Variants in LRP1B observed in about 807,000 individuals in gnomAD.
LRP1B encodes the protein low-density lipoprotein receptor-related protein 1B.
In LRP1B, 217 loss-of-function variants were observed where a neutral mutation model predicts 556.6. The ratio of observed to expected loss-of-function variants is 0.39; its 90% CI spans 0.35 to 0.44. LRP1B has a LOEUF of 0.44. Ranked by LOEUF, LRP1B falls within the 20% of genes least tolerant of loss-of-function variation. The pLI is 1.00. For missense variants in LRP1B, 5,053 were observed against 5,620.8 expected (o/e 0.90, Z 3.23); for synonymous variants, 2,047 against 1,865.8 (o/e 1.10, Z -2.50).
At position 141,149,774 on chromosome 2, in the gene LRP1B, C is replaced by G. The variant is rs1358970838; in HGVS notation, c.1013+38647G>C. ...AACAGGTTCGCAGCAGGCCTGCAACCTCCAGGAAAGAACAAAGGAAAGTGA... is the reference window on the plus strand; with the variant it reads ...AACAGGTTCGCAGCAGGCCTGCAACGTCCAGGAAAGAACAAAGGAAAGTGA... On this transcript the variant is annotated intron_variant, in intron 7 of 90. Transcript: ENST00000389484. 4.6e-5 allele frequency among the ~76,000 whole-genome samples: 7 copies of G among 152,110 alleles called. No individual in the cohort carries two copies. In the East Asian group the frequency reaches 1.3e-3, roughly 29 times the overall value.
chr2:140,702,831 T>G (rs555408171), intron 37 of LRP1B, among the ~76,000 whole-genome samples: 21 of 152,238 alleles, frequency 1.4e-4, no homozygotes, highest in Non-Finnish European at 2.4e-4. Flanking sequence ...TTCTCCAATC[T>G]GTTTGCCTAA....
At chr2:140,268,001 G>C (rs970977110) in intron 86 of LRP1B, among the ~76,000 whole-genome samples, 1 of 151,822 alleles carries the variant, frequency 6.6e-6, no homozygotes, top group African/African-American at 2.4e-5. Context: ...TGGTAATACA[G>C]GTACATTCTC....
At chr2:141,690,438 T>TATAA (rs1691482479) in intron 2 of LRP1B, among the ~76,000 whole-genome samples, 1 of 130,586 alleles carries the variant, frequency 7.7e-6, no homozygotes, top group Non-Finnish European at 1.7e-5. Context: ...TATATATATA[T>TATAA]ATAATTACAA....
At chr2:141,573,931 T>A (rs932572190) in intron 2 of LRP1B, among the ~76,000 whole-genome samples, 1 of 151,912 alleles carries the variant, frequency 6.6e-6, no homozygotes, top group Non-Finnish European at 1.5e-5. Flanking sequence ...CAAAAACAAG[T>A]TCTGAAATTG....
chr2:141,755,284 C>G (rs1694275149), intron 2 of LRP1B, among the ~76,000 whole-genome samples: 1 of 151,962 alleles, frequency 6.6e-6, no homozygotes, highest in Non-Finnish European at 1.5e-5. Flanking sequence ...AAGTTAGAAT[C>G]CCTAATGTAC....
intron 73 of LRP1B, 46 bp downstream of exon 73, chr2:140,358,775 G>A (rs1429361853): frequency 1.3e-6 from 2 of 1,591,582 alleles, no homozygotes; most frequent in East Asian, 2.3e-5. Flanking sequence ...AGTCATCAGA[G>A]AACCTCATAG....
chr2:140,786,109 G>C (rs1407829718), intron 32 of LRP1B, among the ~76,000 whole-genome samples: 1 of 152,064 alleles, frequency 6.6e-6, no homozygotes, highest in Non-Finnish European at 1.5e-5. Context: ...CTCTCCAATG[G>C]CTTCCCCCTG....
rs187146930 is a variant in LRP1B at position 140,879,263 on chromosome 2, G to A, written c.4169+4554C>T. On this transcript the variant is annotated intron_variant, in intron 25 of 90. Coordinates refer to ENST00000389484, the MANE Select transcript of LRP1B (RefSeq NM_018557.3). ...AGTCCAACTATCCATCAGTGACACT[G>A]TAATTCTGTATTCTCTATATTTATA... Among the ~76,000 whole-genome samples the A allele has an allele frequency of 2.6e-5, 4 of 152,264 alleles. No homozygotes were observed. The East Asian group carries it at 7.7e-4, about 29-fold the overall frequency.
intron 32 of LRP1B, among the ~76,000 whole-genome samples, chr2:140,812,468 T>G (rs1225357896): frequency 1.3e-5 from 2 of 152,202 alleles, no homozygotes; most frequent in East Asian, 1.9e-4. Flanking sequence ...TATTTTTAAT[T>G]TAATTGAAAA....
intron 7 of LRP1B, among the ~76,000 whole-genome samples, chr2:141,107,339 TA>T (rs1002399395): frequency 2.0e-5 from 3 of 151,898 alleles, no homozygotes; most frequent in East Asian, 3.9e-4. Flanking sequence ...AAAGATAAAT[TA>T]AAAAAAACTT....
At chr2:141,679,645 C>T (rs1226696538) in intron 2 of LRP1B, among the ~76,000 whole-genome samples, 1 of 152,006 alleles carries the variant, frequency 6.6e-6, no homozygotes, top group African/African-American at 2.4e-5. Flanking sequence ...TAAGCATGCA[C>T]ATTGAGGGTT....
chr2:141,980,550 T>G (rs1413136706), intron 1 of LRP1B, among the ~76,000 whole-genome samples: 1 of 152,120 alleles, frequency 6.6e-6, no homozygotes, highest in African/African-American at 2.4e-5. Flanking sequence ...GTGGAGAAAC[T>G]GGAAAGATGG....
chr2:140,678,463 T>G (rs1478681087), intron 41 of LRP1B, among the ~76,000 whole-genome samples: 1 of 152,224 alleles, frequency 6.6e-6, no homozygotes, highest in Non-Finnish European at 1.5e-5. Context: ...GTATAGATTT[T>G]AATGCTTTTA....
chr2:140,362,582 A>G (rs976662305), intron 72 of LRP1B, among the ~76,000 whole-genome samples: 2 of 151,678 alleles, frequency 1.3e-5, no homozygotes, highest in Non-Finnish European at 3.0e-5. Context: ...CTCTGGGAAC[A>G]TGGATCCTTC....
At chr2:140,862,857 T>C (rs1357737154) in intron 27 of LRP1B, among the ~76,000 whole-genome samples, 1 of 152,100 alleles carries the variant, frequency 6.6e-6, no homozygotes, top group Non-Finnish European at 1.5e-5. Context: ...AAGGCCGAAA[T>C]AGAATAAAAA....
intron 29 of LRP1B, among the ~76,000 whole-genome samples, chr2:140,849,750 G>C (rs1692399389): frequency 6.6e-6 from 1 of 151,944 alleles, no homozygotes; most frequent in African/African-American, 2.4e-5. Context: ...TGTTGGTTCA[G>C]GCTGGTCTCG....
intron 29 of LRP1B, among the ~76,000 whole-genome samples, chr2:140,846,245 A>T (rs980484444): frequency 6.6e-6 from 1 of 152,214 alleles, no homozygotes; most frequent in African/African-American, 2.4e-5. Context: ...ATTATTTTGA[A>T]ACTATTTGCT....
chr2:141,780,117 CATATTA>C (rs1695204636), intron 2 of LRP1B, among the ~76,000 whole-genome samples: 1 of 148,166 alleles, frequency 6.7e-6, no homozygotes, highest in African/African-American at 2.5e-5. Context: ...GTAATGAAAA[CATATTA>C]ATAAATAAAT....
At chr2:140,951,785 TGAAGAAAGCCAG>T in intron 19 of LRP1B, 63 bp downstream of exon 19, 1 of 1,186,380 alleles carries the variant, frequency 8.4e-7, no homozygotes, top group Non-Finnish European at 1.2e-6. Flanking sequence ...AAAGTACCTC[TGAAGAAAGCCAG>T]GCAGTCCAGA....
Sources: allele counts gnomAD v4.1 joint callset (sites outside exome capture counted in the v4.1 genomes callset), GRCh38; gene constraint gnomAD v4.1.1; transcripts MANE v1.5; gene names NCBI Gene and HGNC (gene_info 2026-07-23, HGNC 2026-07-21).